COQ10B: variants seen among roughly 807,000 people sequenced by gnomAD.
COQ10B encodes the protein coenzyme Q10B.
A neutral mutation model predicts 27.6 loss-of-function variants in COQ10B; 12 were observed. The ratio of observed to expected loss-of-function variants is 0.43; its 90% CI spans 0.28 to 0.70. COQ10B has a LOEUF of 0.70. Ranked by LOEUF, COQ10B falls within the 30% of genes least tolerant of loss-of-function variation. The pLI is 0.17. For synonymous variants in COQ10B, 115 were observed against 103.0 expected (o/e 1.12, Z -0.71); for missense variants, 278 against 288.7 (o/e 0.96, Z 0.27).
chr2:197,460,138 A>G, intron 2 of COQ10B, 57 bp downstream of exon 2: 1 of 1,257,384 alleles, frequency 8.0e-7, no homozygotes, highest in East Asian at 2.6e-5. Flanking sequence ...TCCGTGGGGT[A>G]TCGTGTTGTG....
At chr2:197,462,819 T>C in intron 3 of COQ10B, 88 bp downstream of exon 3, 1 of 732,342 alleles carries the variant, frequency 1.4e-6, no homozygotes, top group Middle Eastern at 4.1e-4. Flanking sequence ...CTAAAAAAAC[T>C]TATTTAACCT....
At chr2:197,470,442 A>G (rs1487806033) in intron 4 of COQ10B, among the ~76,000 whole-genome samples, 1 of 152,158 alleles carries the variant, frequency 6.6e-6, no homozygotes, top group Non-Finnish European at 1.5e-5. Flanking sequence ...ATTAACACCA[A>G]ATGAAAGAAC....
intron 1 of COQ10B, among the ~76,000 whole-genome samples, chr2:197,457,746 C>G (rs931795767): frequency 6.6e-6 from 1 of 151,726 alleles, no homozygotes; most frequent in East Asian, 2.0e-4. Context: ...CTCAGCCTCC[C>G]GAGTAGCTGG....
intron 4 of COQ10B, among the ~76,000 whole-genome samples, chr2:197,472,664 C>T (rs1464370040): frequency 2.0e-5 from 3 of 151,910 alleles, no homozygotes; most frequent in African/African-American, 4.8e-5. Context: ...ATTAACTGGA[C>T]GTGGTGGCAG....
At chr2:197,453,878 C>T (rs2085665818) in intron 1 of COQ10B, 16 of 1,387,998 alleles carry the variant, frequency 1.2e-5, no homozygotes, top group Admixed American at 4.2e-5. Flanking sequence ...TCGTTTGCCT[C>T]GTGAGAGGCG....
intron 1 of COQ10B, among the ~76,000 whole-genome samples, chr2:197,457,818 C>T (rs550228640): frequency 2.6e-5 from 4 of 151,962 alleles, no homozygotes; most frequent in East Asian, 1.9e-4. Flanking sequence ...GGCAGGGTTT[C>T]GCCATGTTGG....
intron 1 of COQ10B, among the ~76,000 whole-genome samples, chr2:197,456,508 T>C (rs2085700644): frequency 6.7e-6 from 1 of 149,808 alleles, no homozygotes; most frequent in South Asian, 2.1e-4. Context: ...CTCACGCTTG[T>C]AATCCCAGCA....
chr2:197,462,608 CA>C lies in COQ10B; in HGVS notation c.330del (p.Lys110AsnfsTer16). ...ATTACAAGCATTTTGTTCCTTGGTG[CA>C]AAAAATCAGATGTTATATCAAAGAG... ...EDYKHFVPWC[K>X]KSDVISKRSG... On this transcript the variant is annotated frameshift_variant, in exon 3 of 5. Coordinates refer to ENST00000263960, the MANE Select transcript of COQ10B (RefSeq NM_025147.5). LOFTEE classifies it high-confidence loss of function. 1 of 1,595,538 alleles carries C rather than the reference CA, an allele frequency of 6.3e-7. No individual in the cohort carries two copies.
chr2:197,464,055 A>ACG (rs2085797742), intron 3 of COQ10B, among the ~76,000 whole-genome samples: 1 of 116,246 alleles, frequency 8.6e-6, no homozygotes, highest in African/African-American at 2.8e-5. Context: ...ATATATACGT[A>ACG]TATATATATA....
intron 4 of COQ10B, among the ~76,000 whole-genome samples, chr2:197,470,827 G>A (rs548252083): frequency 2.2e-4 from 34 of 152,256 alleles, no homozygotes; most frequent in Middle Eastern, 3.4e-3. Context: ...CCCGGGAGGC[G>A]GAGGTTGCAG....
At chr2:197,454,934 CTG>C (rs2085680302) in intron 1 of COQ10B, among the ~76,000 whole-genome samples, 1 of 152,094 alleles carries the variant, frequency 6.6e-6, no homozygotes, top group Non-Finnish European at 1.5e-5. Flanking sequence ...CATGGTTTAA[CTG>C]TATATATGAA....
intron 1 of COQ10B, among the ~76,000 whole-genome samples, chr2:197,459,308 A>C (rs2085732540): frequency 6.6e-6 from 1 of 152,164 alleles, no homozygotes; most frequent in Admixed American, 6.5e-5. Context: ...CGGGAACTAC[A>C]GGCACATGCC....
At chr2:197,464,103 G>C (rs1215066542) in intron 3 of COQ10B, among the ~76,000 whole-genome samples, 1 of 125,616 alleles carries the variant, frequency 8.0e-6, no homozygotes. Context: ...ACATATATAT[G>C]TATAAACATT....
chr2:197,461,971 TA>T (rs2085765437), intron 2 of COQ10B, among the ~76,000 whole-genome samples: 1 of 151,370 alleles, frequency 6.6e-6, no homozygotes, highest in Admixed American at 6.6e-5. Flanking sequence ...ACTAAAAATT[TA>T]AAAACTACCT....
intron 2 of COQ10B, among the ~76,000 whole-genome samples, chr2:197,460,326 C>T (rs891713387): frequency 1.3e-5 from 2 of 151,684 alleles, no homozygotes; most frequent in Admixed American, 6.6e-5. Context: ...CTTAGCCTCC[C>T]GAGTAGCAGG....
At chr2:197,465,251 T>G (rs1456357258) in intron 3 of COQ10B, among the ~76,000 whole-genome samples, 1 of 151,838 alleles carries the variant, frequency 6.6e-6, no homozygotes, top group Non-Finnish European at 1.5e-5. Flanking sequence ...AAACCTCATT[T>G]TTTCCTCACT....
chr2:197,461,581 G>C (rs1035698738), intron 2 of COQ10B, among the ~76,000 whole-genome samples: 1 of 151,536 alleles, frequency 6.6e-6, no homozygotes, highest in East Asian at 1.9e-4. Context: ...GTGTGTGTGT[G>C]TGTGTGTGTG....
chr2:197,465,984 C>T (rs1008349260), intron 3 of COQ10B, among the ~76,000 whole-genome samples: 2 of 151,966 alleles, frequency 1.3e-5, no homozygotes, highest in African/African-American at 4.8e-5. Flanking sequence ...CCCAGCTACT[C>T]GGGAGGCTGA....
intron 3 of COQ10B, among the ~76,000 whole-genome samples, chr2:197,466,214 G>T (rs1199317575): frequency 2.6e-5 from 4 of 152,154 alleles, no homozygotes; most frequent in Non-Finnish European, 5.9e-5. Context: ...TTGATGTTCA[G>T]CTAATACCGA....
Sources: gnomAD v4.1 joint callset for allele counts (sites outside exome capture counted in the v4.1 genomes callset) on GRCh38, gnomAD v4.1.1 for gene constraint, MANE v1.5 for transcripts, NCBI Gene and HGNC (gene_info 2026-07-23, HGNC 2026-07-21) for gene names.